The following TSHZ2 variants were observed in gnomAD, a reference collection of about 807,000 sequenced individuals.
TSHZ2 encodes teashirt zinc finger homeobox 2, also known as teashirt homolog 2.
A neutral mutation model predicts 74.4 loss-of-function variants in TSHZ2; 21 were observed. The ratio of observed to expected loss-of-function variants is 0.28; its 90% CI spans 0.20 to 0.41. TSHZ2 has a LOEUF of 0.41. TSHZ2 is among the 10% of genes least tolerant of loss of function. The pLI is 1.00. For synonymous variants in TSHZ2, 540 were observed against 515.3 expected (o/e 1.05, Z -0.65); for missense variants, 1,244 against 1,293.5 (o/e 0.96, Z 0.59).
intron 1 of TSHZ2, among the ~76,000 whole-genome samples, chr20:52,984,448 G>A (rs1028041200): frequency 2.6e-5 from 4 of 152,178 alleles, no homozygotes; most frequent in Admixed American, 2.6e-4. Context: ...GGAGTGAAGC[G>A]GTTGGAAGAA....
chr20:53,299,724 G>A (rs1322379954), intron 2 of TSHZ2, among the ~76,000 whole-genome samples: 1 of 152,184 alleles, frequency 6.6e-6, no homozygotes. Context: ...TTGACCACAT[G>A]TCCCTACTTG....
chr20:53,003,961 C>T (rs1487542133), intron 1 of TSHZ2, among the ~76,000 whole-genome samples: 1 of 151,498 alleles, frequency 6.6e-6, no homozygotes, highest in South Asian at 2.1e-4. Context: ...CAGTATGCAT[C>T]CTGTTCTAGA....
chr20:52,985,191 G>T (rs991344579), intron 1 of TSHZ2, among the ~76,000 whole-genome samples: 1 of 152,014 alleles, frequency 6.6e-6, no homozygotes. Flanking sequence ...TGACAGACAG[G>T]CATGGGTTCA....
intron 1 of TSHZ2, among the ~76,000 whole-genome samples, chr20:53,131,519 T>G (rs1310182950): frequency 6.6e-6 from 1 of 152,212 alleles, no homozygotes; most frequent in Non-Finnish European, 1.5e-5. Flanking sequence ...AGCCCATCAT[T>G]AGAGATGGCT....
At chr20:53,133,721 T>C (rs1387946134) in intron 1 of TSHZ2, among the ~76,000 whole-genome samples, 3 of 152,160 alleles carry the variant, frequency 2.0e-5, no homozygotes, top group Non-Finnish European at 4.4e-5. Flanking sequence ...TTGCCAAATA[T>C]AGTATTGGGA....
At chr20:53,253,401 G>C in intron 1 of TSHZ2, 98 bp from the exon 2 acceptor site, 2 of 1,491,370 alleles carry the variant, frequency 1.3e-6, no homozygotes, top group Non-Finnish European at 1.8e-6. Flanking sequence ...TTAAATCACC[G>C]TTCAGTTCGG....
intron 2 of TSHZ2, among the ~76,000 whole-genome samples, chr20:53,363,922 C>T (rs1029467880): frequency 5.3e-5 from 8 of 152,172 alleles, no homozygotes; most frequent in Non-Finnish European, 1.2e-4. Flanking sequence ...TTCTATATCA[C>T]GTACTGGGCA....
At chr20:53,259,253 A>G (rs1232963773) in intron 2 of TSHZ2, among the ~76,000 whole-genome samples, 9 of 152,262 alleles carry the variant, frequency 5.9e-5, no homozygotes, top group Non-Finnish European at 8.8e-5. Context: ...CTTGGAAACT[A>G]TGAGAGCTTT....
chr20:53,405,387 C>T (rs1240126191), intron 2 of TSHZ2, among the ~76,000 whole-genome samples: 3 of 152,082 alleles, frequency 2.0e-5, no homozygotes, highest in South Asian at 2.1e-4. Context: ...GCAGAACCAC[C>T]GGGGACTGAC....
chr20:53,184,200 T>G (rs2123520276), intron 1 of TSHZ2, among the ~76,000 whole-genome samples: 1 of 152,354 alleles, frequency 6.6e-6, no homozygotes, highest in South Asian at 2.1e-4. Context: ...CCTTCACCCC[T>G]TCCCAATCAC....
intron 1 of TSHZ2, among the ~76,000 whole-genome samples, chr20:53,046,202 C>T (rs934247807): frequency 2.0e-5 from 3 of 152,146 alleles, no homozygotes; most frequent in Non-Finnish European, 4.4e-5. Flanking sequence ...CAGCCTTAAC[C>T]GCAAGCTCTA....
At chr20:53,052,463 T>A (rs1984505258) in intron 1 of TSHZ2, among the ~76,000 whole-genome samples, 1 of 152,108 alleles carries the variant, frequency 6.6e-6, no homozygotes, top group Non-Finnish European at 1.5e-5. Flanking sequence ...TGCCTGATGA[T>A]CTAAGGTGGA....
chr20:53,309,087 C>T (rs1405851136), intron 2 of TSHZ2, among the ~76,000 whole-genome samples: 2 of 152,204 alleles, frequency 1.3e-5, no homozygotes, highest in Middle Eastern at 3.2e-3. Context: ...CATCACACCA[C>T]CCCCGAAAAT....
chr20:53,276,732 G>C (rs1011407759), intron 2 of TSHZ2, among the ~76,000 whole-genome samples: 2 of 152,206 alleles, frequency 1.3e-5, no homozygotes, highest in Admixed American at 1.3e-4. Flanking sequence ...AATAGGTCCA[G>C]GGTGGAGCGA....
chr20:53,387,922 G>C (rs1156491607), intron 2 of TSHZ2, among the ~76,000 whole-genome samples: 1 of 151,898 alleles, frequency 6.6e-6, no homozygotes, highest in Non-Finnish European at 1.5e-5. Flanking sequence ...GGCAGCATGC[G>C]CCTGTAGTCC....
At chr20:53,480,137 C>T (rs895351330) in intron 2 of TSHZ2, among the ~76,000 whole-genome samples, 8 of 149,458 alleles carry the variant, frequency 5.4e-5, no homozygotes, top group Non-Finnish European at 1.0e-4. Flanking sequence ...GATGTGATCT[C>T]GACTCACTGC....
Position 53,099,715 on chromosome 20 carries a change from C to T in TSHZ2, c.40+126382C>T, listed in dbSNP as rs537625601. On this transcript the variant is annotated intron_variant, in intron 1 of 2. Coordinates refer to ENST00000371497, the MANE Select transcript of TSHZ2 (RefSeq NM_173485.6). ...ATGAGAGCCAAGTGAAAGAGGAAAC[C>T]CCTTATAAAAACATCTGATCTTGTG... is the stretch of plus-strand genomic sequence containing the variant. Among the ~76,000 whole-genome samples, 4 of 152,220 alleles carry T rather than the reference C, an allele frequency of 2.6e-5. No homozygotes were observed. The South Asian group carries it at 8.3e-4, about 32-fold the overall frequency.
intron 1 of TSHZ2, among the ~76,000 whole-genome samples, chr20:53,113,301 C>G (rs976364552): frequency 6.6e-6 from 1 of 152,086 alleles, no homozygotes; most frequent in Non-Finnish European, 1.5e-5. Context: ...CTCCTTTTTT[C>G]TTCTCTTTCT....
At chr20:53,359,211 A>G (rs1980962957) in intron 2 of TSHZ2, among the ~76,000 whole-genome samples, 1 of 152,208 alleles carries the variant, frequency 6.6e-6, no homozygotes, top group Non-Finnish European at 1.5e-5. Flanking sequence ...TTGTAGATAA[A>G]GAAGCTCAAC....
Sources: allele counts gnomAD v4.1 joint callset (sites outside exome capture counted in the v4.1 genomes callset), GRCh38; gene constraint gnomAD v4.1.1; transcripts MANE v1.5; gene names NCBI Gene and HGNC (gene_info 2026-07-23, HGNC 2026-07-21).